Variants in AVIL observed in about 807,000 individuals in gnomAD.
AVIL encodes advillin.
AVIL carries 78 observed loss-of-function variants against 109.9 expected under a neutral mutation model. The ratio of observed to expected loss-of-function variants is 0.71; its 90% CI spans 0.59 to 0.86. The LOEUF is 0.86. Among genes scored for constraint, AVIL ranks in the 40% least tolerant of loss-of-function variants. AVIL has a pLI of 0.00. For missense variants in AVIL, 892 were observed against 1,016.5 expected, an observed-to-expected ratio of 0.88 and a Z score of 1.67; for synonymous variants, 367 against 379.1, an observed-to-expected ratio of 0.97 and a Z score of 0.37.
intron 17 of AVIL, among the ~76,000 whole-genome samples, chr12:57,801,662 C>T (rs756375347): frequency 1.3e-5 from 2 of 152,074 alleles, no homozygotes; most frequent in Non-Finnish European, 2.9e-5. Flanking sequence ...ATTGCTTGAA[C>T]CCAGGAGGTA....
chr12:57,813,464 C>T (rs764007656), intron 3 of AVIL, 41 bp from the exon 4 acceptor site: 1 of 1,581,046 alleles, frequency 6.3e-7, no homozygotes, highest in Non-Finnish European at 8.7e-7. Flanking sequence ...GGCCAGCTCA[C>T]CTCCCCTTTG....
intron 3 of AVIL, among the ~76,000 whole-genome samples, 189 bp from the exon 4 acceptor site, chr12:57,813,612 C>G (rs1410207680): frequency 6.6e-6 from 1 of 152,200 alleles, no homozygotes; most frequent in Non-Finnish European, 1.5e-5. Flanking sequence ...CTTTGGCAGC[C>G]CAAATTCCTC....
intron 13 of AVIL, among the ~76,000 whole-genome samples, chr12:57,807,044 C>T (rs1451780743): frequency 6.6e-6 from 1 of 152,178 alleles, no homozygotes; most frequent in African/African-American, 2.4e-5. Flanking sequence ...ACCCACCTGA[C>T]TGGAGTGGAG....
chr12:57,818,281 C>A (rs1752712919), intron 1 of AVIL, among the ~76,000 whole-genome samples: 1 of 141,426 alleles, frequency 7.1e-6, no homozygotes, highest in Non-Finnish European at 1.5e-5. Context: ...CTCAAACAAT[C>A]CTCATGCCCT....
At chr12:57,809,768 C>A in intron 8 of AVIL, 44 bp downstream of exon 8, 1 of 1,613,258 alleles carries the variant, frequency 6.2e-7, no homozygotes, top group Non-Finnish European at 8.5e-7. Context: ...GCTTCTGAAG[C>A]ATGTCTGGCT....
chr12:57,799,885 A>T lies in AVIL; in HGVS notation c.2256T>A (p.Asn752Lys). Residue 752 changes from asparagine (N) to lysine (K), a missense_variant, in exon 19 of 20, where the codon AAT becomes AAA. By Grantham distance (94) the Asn-to-Lys change is moderately conservative. Transcript: ENST00000549994. ...MKNATLSLNS[N>K]DSEPKYYPIA... is the part of the protein sequence containing the mutation. ...TAGGGTAATATTTTGGCTCACTGTC[A>T]TTAGAATTCAGGGAGAGGGTTGCAT... The T allele has an allele frequency of 3.7e-6, 6 of 1,614,168 alleles. No homozygotes were observed. The highest frequency in any genetic ancestry group is 1.6e-4 in the Middle Eastern group (1 of 6,062).
Position 57,807,451 on chromosome 12 carries a change from T to G in AVIL, c.1371A>C (p.Ala457=). The part of the protein sequence containing the change: ...HASQDELAAS[A]YQAVEVDRQF... ...GCCGATCCACCTCCACTGCCTGGTA[T>G]GCTGAGGCTGCCAGCTCATCCTGTG... Residue 457 remains alanine (A), a synonymous_variant, in exon 13 of 20, where the codon GCA becomes GCC. Coordinates refer to ENST00000549994, the MANE Select transcript of AVIL (RefSeq NM_006576.4). The G allele has an allele frequency of 6.2e-7, 1 of 1,614,260 alleles. No individual in the cohort carries two copies. Among genetic ancestry groups the G allele is most frequent in the Non-Finnish European group, 8.5e-7 (1 of 1,180,046 alleles).
intron 19 of AVIL, 39 bp from the exon 20 acceptor site, chr12:57,798,034 A>G (rs779717426): frequency 3.4e-6 from 5 of 1,485,334 alleles, no homozygotes; most frequent in South Asian, 2.5e-5. Flanking sequence ...GAAGGAAGAC[A>G]TGACATCATT....
At chr12:57,810,636 G>A (rs1956024480) in intron 6 of AVIL, 85 bp from the exon 7 acceptor site, 5 of 1,504,704 alleles carry the variant, frequency 3.3e-6, no homozygotes, top group Non-Finnish European at 4.5e-6. Flanking sequence ...CTAGATCCCA[G>A]ACACAGGAGT....
At chr12:57,808,156 A>C in intron 11 of AVIL, 38 bp downstream of exon 11, 1 of 1,601,206 alleles carries the variant, frequency 6.2e-7, no homozygotes, top group Non-Finnish European at 8.6e-7. Context: ...CATGAAGGCC[A>C]GTGCTGTCTG....
Position 57,802,199 on chromosome 12 carries a change from G to T in AVIL, c.2112C>A (p.Phe704Leu). 6.2e-7 allele frequency: 1 copy of T among 1,614,054 alleles called. No homozygotes were observed. The highest frequency in any genetic ancestry group is 8.5e-7 in the Non-Finnish European group (1 of 1,179,908). The change falls in exon 17 of 20, where the codon TTC becomes TTA. Residue 704 changes from phenylalanine (F) to leucine (L), a missense_variant. Coordinates refer to ENST00000549994, the MANE Select transcript of AVIL (RefSeq NM_006576.4). ...GGTCCCAGGCTAGGAACCAGCCTGT[G>T]AAGATGGGAGGCTCAAACCCCTGCT... is the stretch of plus-strand genomic sequence containing the variant. The part of the protein sequence containing the change: ...IIKQGFEPPI[F>L]TGWFLAWDPN...
At chr12:57,802,487 C>A in intron 16 of AVIL, 139 bp from the exon 17 acceptor site, 2 of 1,040,626 alleles carry the variant, frequency 1.9e-6, no homozygotes, top group South Asian at 2.7e-5. Context: ...CTAATTTGTT[C>A]AGCAGAGAAA....
At chr12:57,815,741 G>T (rs1443650983) in intron 2 of AVIL, 4 of 1,426,556 alleles carry the variant, frequency 2.8e-6, no homozygotes, top group Non-Finnish European at 3.7e-6. Context: ...GGACAAGCCT[G>T]TTTTTGTCTG....
intron 16 of AVIL, 82 bp from the exon 17 acceptor site, chr12:57,802,430 C>T: frequency 6.8e-7 from 1 of 1,470,970 alleles, no homozygotes; most frequent in Non-Finnish European, 9.3e-7. Context: ...CCCTATCTTT[C>T]CCCTTTCTTT....
Position 57,802,748 on chromosome 12 carries a change from T to C in AVIL, c.1963-400A>G, listed in dbSNP as rs923884662. 11 of 589,048 alleles carry C rather than the reference T, an allele frequency of 1.9e-5. No individual in the cohort carries two copies. In the East Asian group the frequency reaches 2.2e-4, roughly 12 times the overall value. 36.5% of individuals were successfully genotyped at this position (589,048 alleles called of 1,614,324 possible). A position where few individuals can be genotyped will look rare whatever the true frequency, so the allele number is the denominator to read the frequency against. On this transcript the variant is annotated intron_variant, in intron 16 of 19. Coordinates refer to ENST00000549994, the MANE Select transcript of AVIL (RefSeq NM_006576.4). Reference sequence around the variant, plus strand: ...TATCTAGTCACCTAAGGCAGAAGCCTGAGAGTTTCCTAGAAACCCCCCATA... The same window carrying C: ...TATCTAGTCACCTAAGGCAGAAGCCCGAGAGTTTCCTAGAAACCCCCCATA...
At chr12:57,815,492 T>A (rs995869023) in intron 2 of AVIL, 2 of 1,023,086 alleles carry the variant, frequency 2.0e-6, no homozygotes, top group Non-Finnish European at 2.5e-6. Context: ...CAGCTATGGA[T>A]TGCTGGAGCT....
At chr12:57,813,128 C>T (rs1415014836) in intron 4 of AVIL, 99 bp downstream of exon 4, 29 of 1,396,950 alleles carry the variant, frequency 2.1e-5, no homozygotes, top group Non-Finnish European at 2.5e-5. Flanking sequence ...TTTTGATTTG[C>T]ATTTCTCTGA....
At chr12:57,807,562 C>T in intron 12 of AVIL, 28 bp downstream of exon 12, 2 of 1,614,242 alleles carry the variant, frequency 1.2e-6, no homozygotes, top group Non-Finnish European at 1.7e-6. Flanking sequence ...ACATCAGGAT[C>T]CAAAGCTGAA....
intron 9 of AVIL, chr12:57,808,780 A>T: frequency 1.9e-6 from 1 of 519,320 alleles, no homozygotes; most frequent in East Asian, 3.3e-5. Flanking sequence ...TATGGTTGTT[A>T]ATTTTTAGGA....
Sources: gnomAD v4.1 joint callset for allele counts (sites outside exome capture counted in the v4.1 genomes callset) on GRCh38, gnomAD v4.1.1 for gene constraint, MANE v1.5 for transcripts, NCBI Gene and HGNC (gene_info 2026-07-23, HGNC 2026-07-21) for gene names.